The following PLXNA4 variants were observed in gnomAD, a reference collection of about 807,000 sequenced individuals.
The protein encoded by PLXNA4 is plexin A4, also known as plexin-A4.
Under a neutral mutation model 191.8 loss-of-function variants are expected in PLXNA4, and 44 were observed. The ratio of observed to expected loss-of-function variants is 0.23; its 90% CI spans 0.18 to 0.29. PLXNA4 has a LOEUF of 0.29. Ranked by LOEUF, PLXNA4 falls within the 10% of genes least tolerant of loss-of-function variation. The pLI is 1.00. For missense variants in PLXNA4, 1,800 were observed against 2,488.8 expected (o/e 0.72, Z 5.89); for synonymous variants, 1,082 against 1,009.5 (o/e 1.07, Z -1.36).
chr7:132,517,198 G>T (rs1383504004), intron 1 of PLXNA4, among the ~76,000 whole-genome samples: 1 of 152,196 alleles, frequency 6.6e-6, no homozygotes, highest in Non-Finnish European at 1.5e-5. Flanking sequence ...TGAGGCTGCT[G>T]GTATGAAGTC....
chr7:132,474,472 G>T (rs1384613024), intron 3 of PLXNA4, among the ~76,000 whole-genome samples: 1 of 152,010 alleles, frequency 6.6e-6, no homozygotes, highest in African/African-American at 2.4e-5. Flanking sequence ...CGCCCATCCT[G>T]CTTTCCATCA....
chr7:132,436,912 C>A (rs1354949644), intron 3 of PLXNA4, among the ~76,000 whole-genome samples: 1 of 152,186 alleles, frequency 6.6e-6, no homozygotes, highest in Non-Finnish European at 1.5e-5. Context: ...GACACTTGTA[C>A]TATTGGCCAG....
At chr7:132,140,559 A>C in intron 30 of PLXNA4, 40 bp downstream of exon 30, 1 of 1,604,700 alleles carries the variant, frequency 6.2e-7, no homozygotes, top group Non-Finnish European at 8.5e-7. Flanking sequence ...TGCTGGCTCC[A>C]GCAAGGGGCC....
intron 2 of PLXNA4, among the ~76,000 whole-genome samples, chr7:132,635,038 T>G (rs1185662265): frequency 6.6e-6 from 1 of 151,986 alleles, no homozygotes; most frequent in African/African-American, 2.4e-5. Flanking sequence ...GCTGGATGCT[T>G]CCTGGCTTCA....
At chr7:132,139,806 A>G (rs1025036182) in intron 30 of PLXNA4, among the ~76,000 whole-genome samples, 3 of 152,238 alleles carry the variant, frequency 2.0e-5, no homozygotes, top group African/African-American at 7.2e-5. Flanking sequence ...GCCATTCTGC[A>G]TGTATATTTC....
At position 132,608,787 on chromosome 7, in the gene PLXNA4, C is replaced by T. The variant is rs191006765; in HGVS notation, c.-87+37141G>A. Among the ~76,000 whole-genome samples the T allele has an allele frequency of 4.3e-4, 66 of 152,270 alleles. 1 individual carries two copies. The highest frequency in any genetic ancestry group is 1.5e-3 in the African/African-American group (61 of 41,538). On this transcript the variant is annotated intron_variant, in intron 2 of 4. Coordinates refer to the PLXNA4 transcript ENST00000378539. ...CCTGGTGCAGCCAGATGGATCTTCCCAAAACTGCAACCCTCAGGGATTACT... is the reference window on the plus strand; with the variant it reads ...CCTGGTGCAGCCAGATGGATCTTCCTAAAACTGCAACCCTCAGGGATTACT...
At chr7:132,361,059 T>C (rs1334479333) in intron 3 of PLXNA4, among the ~76,000 whole-genome samples, 1 of 152,172 alleles carries the variant, frequency 6.6e-6, no homozygotes, top group Admixed American at 6.5e-5. Context: ...TTAACATGGA[T>C]CGTCCTCCAT....
At chr7:132,333,639 G>A (rs1234082912) in intron 3 of PLXNA4, among the ~76,000 whole-genome samples, 2 of 152,158 alleles carry the variant, frequency 1.3e-5, no homozygotes, top group African/African-American at 2.4e-5. Flanking sequence ...GGTTTGGAGG[G>A]GTGCTTCTAC....
chr7:132,151,471 AAAGGAGGAGGAGGAGGAAGAAG>A (rs1172942611), intron 25 of PLXNA4, among the ~76,000 whole-genome samples: 10 of 3,730 alleles, frequency 2.7e-3, no homozygotes, highest in South Asian at 0.013. Flanking sequence ...GGAGGAGGAG[AAAGGAGGAGGAGGAGGAAGAAG>A]AAGGAGGAGG....
chr7:132,190,868 G>A (rs1002468338), intron 14 of PLXNA4, among the ~76,000 whole-genome samples: 5 of 152,220 alleles, frequency 3.3e-5, no homozygotes, highest in African/African-American at 1.2e-4. Flanking sequence ...GAGGAGCAGG[G>A]CACAAAGAGG....
chr7:132,128,307 A>ATTGT lies in PLXNA4; in HGVS notation c.*2168_*2171dup, dbSNP rs1407679977. ...ATTTTTTTTCTTCCTCTTCCAATGCATTGTTTCCCATTTTCCTCTTCCCAT... is the reference window on the plus strand; with the variant it reads ...ATTTTTTTTCTTCCTCTTCCAATGCATTGTTTGTTTCCCATTTTCCTCTTCCCAT... On this transcript the variant is annotated 3_prime_UTR_variant, in exon 32 of 32. Transcript: ENST00000321063. 2 of 152,072 alleles carry ATTGT rather than the reference A, an allele frequency of 1.3e-5. No individual in the cohort carries two copies. The highest frequency in any genetic ancestry group is 2.9e-5 in the Non-Finnish European group (2 of 68,058). The allele number at this position is 152,072 out of a possible 1,614,324, so 9.4% of individuals were successfully genotyped here.
At chr7:132,485,048 C>T (rs777946930) in intron 3 of PLXNA4, 19 of 1,599,132 alleles carry the variant, frequency 1.2e-5, no homozygotes, top group African/African-American at 6.8e-5. Flanking sequence ...TTAAAACAGG[C>T]TTGAGAAAAA....
intron 1 of PLXNA4, among the ~76,000 whole-genome samples, chr7:132,556,822 G>A (rs927579107): frequency 3.9e-5 from 6 of 152,192 alleles, no homozygotes; most frequent in Non-Finnish European, 5.9e-5. Context: ...CAGGACTTGT[G>A]AAGGTCAAAT....
chr7:132,484,437 G>A (rs1457396099), intron 3 of PLXNA4, among the ~76,000 whole-genome samples: 1 of 152,222 alleles, frequency 6.6e-6, no homozygotes, highest in Non-Finnish European at 1.5e-5. Flanking sequence ...AACCCACAGG[G>A]TAAGGTCTAT....
intron 4 of PLXNA4, chr7:132,264,357 T>C (rs141256392): frequency 1.8e-4 from 27 of 152,376 alleles, no homozygotes; most frequent in African/African-American, 6.2e-4. Flanking sequence ...CCAGAAATTA[T>C]TGTGGGGTCA....
chr7:132,185,858 T>C (rs1388269935), intron 15 of PLXNA4, among the ~76,000 whole-genome samples: 3 of 152,210 alleles, frequency 2.0e-5, no homozygotes, highest in Admixed American at 2.0e-4. Context: ...TGATTTTTCA[T>C]TCACTGAGCC....
rs1344986493 is a variant in PLXNA4 at position 132,124,858 on chromosome 7, T to TTTTG, written c.*5617_*5620dup. On this transcript the variant is annotated 3_prime_UTR_variant, in exon 32 of 32. Coordinates refer to ENST00000321063, the MANE Select transcript of PLXNA4 (RefSeq NM_020911.2). Reference sequence around the variant, plus strand: ...GAAAGTTCTTTTTGTATATGAAGGATTTTGTTTCGTTTTGTTTAACTTTGC... The same window carrying TTTTG: ...GAAAGTTCTTTTTGTATATGAAGGATTTTGTTTGTTTCGTTTTGTTTAACTTTGC... 3 of 152,246 alleles carry TTTTG rather than the reference T, an allele frequency of 2.0e-5. No individual in the cohort carries two copies. Among genetic ancestry groups the TTTTG allele is most frequent in the Non-Finnish European group, 4.4e-5 (3 of 68,044 alleles). The allele number at this position is 152,246 out of a possible 1,614,324, so 9.4% of individuals were successfully genotyped here. A position where few individuals can be genotyped will look rare whatever the true frequency, so the allele number is the denominator to read the frequency against.
chr7:132,352,321 G>C (rs1209680280), intron 3 of PLXNA4: 1 of 152,342 alleles, frequency 6.6e-6, no homozygotes, highest in Non-Finnish European at 1.5e-5. Context: ...CCGGTACTCG[G>C]TGGCTGTAGG....
chr7:132,287,985 C>T (rs942485964), intron 4 of PLXNA4, among the ~76,000 whole-genome samples: 3 of 152,206 alleles, frequency 2.0e-5, no homozygotes, highest in Non-Finnish European at 4.4e-5. Flanking sequence ...TTCTGACACC[C>T]AAGAGTGGGG....
Sources: gnomAD v4.1 joint callset for allele counts (sites outside exome capture counted in the v4.1 genomes callset) on GRCh38, gnomAD v4.1.1 for gene constraint, MANE v1.5 for transcripts, NCBI Gene and HGNC (gene_info 2026-07-23, HGNC 2026-07-21) for gene names.